The following SVOP variants were observed in gnomAD, a reference collection of about 807,000 sequenced individuals.
SVOP encodes the protein synaptic vesicle 2-related protein.
A neutral mutation model predicts 69.1 loss-of-function variants in SVOP; 17 were observed. The ratio of observed to expected loss-of-function variants is 0.25; its 90% CI spans 0.17 to 0.37. SVOP has a LOEUF of 0.37. Among genes scored for constraint, SVOP ranks in the 10% least tolerant of loss-of-function variants. The pLI, the probability that SVOP is intolerant of heterozygous loss-of-function variation, is 1.00. For synonymous variants in SVOP, 238 were observed against 238.6 expected (o/e 1.00, Z 0.02); for missense variants, 435 against 597.5 (o/e 0.73, Z 2.84).
At chr12:108,952,298 G>A (rs1446898831) in intron 6 of SVOP, among the ~76,000 whole-genome samples, 5 of 132,958 alleles carry the variant, frequency 3.8e-5, no homozygotes, top group Middle Eastern at 4.9e-3. Flanking sequence ...GTAGTGGTAC[G>A]ATCTTGGCTC....
chr12:108,975,928 T>A, intron 4 of SVOP, among the ~76,000 whole-genome samples: 1 of 152,090 alleles, frequency 6.6e-6, no homozygotes, highest in Non-Finnish European at 1.5e-5. Flanking sequence ...CTTGAACTCC[T>A]GGCCTCAAGT....
chr12:108,945,388 AT>A (rs1345102603), intron 6 of SVOP, among the ~76,000 whole-genome samples: 1 of 151,948 alleles, frequency 6.6e-6, no homozygotes, highest in African/African-American at 2.4e-5. Flanking sequence ...TGGCATCTGC[AT>A]TTTTATTTTA....
chr12:108,970,952 A>G (rs1376575712), intron 5 of SVOP, among the ~76,000 whole-genome samples: 2 of 152,144 alleles, frequency 1.3e-5, no homozygotes, highest in African/African-American at 4.8e-5. Context: ...CAGAAGGTCA[A>G]GGCTGCAGTT....
intron 3 of SVOP, 116 bp from the exon 4 acceptor site, chr12:108,977,612 C>T (rs2040113833): frequency 7.9e-6 from 5 of 632,060 alleles, no homozygotes; most frequent in Non-Finnish European, 1.4e-5. Context: ...TACCCATTGC[C>T]AAGTGCCCTG....
intron 6 of SVOP, among the ~76,000 whole-genome samples, chr12:108,952,663 C>T (rs569799358): frequency 9.2e-5 from 14 of 152,132 alleles, no homozygotes; most frequent in South Asian, 2.1e-4. Flanking sequence ...ACAGTGAGAC[C>T]GCCCACCCTG....
intron 2 of SVOP, among the ~76,000 whole-genome samples, chr12:108,983,295 T>TCAA (rs1347318896): frequency 4.0e-5 from 6 of 150,240 alleles, no homozygotes; most frequent in African/African-American, 1.5e-4. Flanking sequence ...ACCATCATCA[T>TCAA]TGCCACCATC....
intron 1 of SVOP, among the ~76,000 whole-genome samples, chr12:108,992,831 G>A (rs1458420905): frequency 6.6e-6 from 1 of 152,044 alleles, no homozygotes; most frequent in Non-Finnish European, 1.5e-5. Flanking sequence ...TGAGGGTTGT[G>A]CAACCTTGTA....
At chr12:108,988,770 C>CTTTTTTTTTTTTTTTTTT (rs758822738) in intron 1 of SVOP, among the ~76,000 whole-genome samples, 1 of 92,182 alleles carries the variant, frequency 1.1e-5, no homozygotes, top group Non-Finnish European at 2.0e-5. Flanking sequence ...TCTTTTCTCT[C>CTTTTTTTTTTTTTTTTTT]TTTTTTTTTT....
At chr12:108,912,909 G>A (rs559298561) in intron 15 of SVOP, among the ~76,000 whole-genome samples, 168 bp from the exon 16 acceptor site, 2 of 151,806 alleles carry the variant, frequency 1.3e-5, no homozygotes, top group South Asian at 2.1e-4. Context: ...CTTGTGACAC[G>A]CCTGCCCCTC....
chr12:108,988,773 T>C (rs1246771399), intron 1 of SVOP, among the ~76,000 whole-genome samples: 12 of 118,770 alleles, frequency 1.0e-4, no homozygotes, highest in South Asian at 4.9e-4. Context: ...TTTCTCTCTT[T>C]TTTTTTTTTT....
At chr12:108,940,981 T>A (rs1189845575) in intron 7 of SVOP, 72 bp from the exon 8 acceptor site, 4 of 1,496,186 alleles carry the variant, frequency 2.7e-6, no homozygotes, top group Non-Finnish European at 3.6e-6. Context: ...GGGGGCATTG[T>A]GGACAAGGGT....
chr12:108,951,795 G>T (rs977716048), intron 6 of SVOP, among the ~76,000 whole-genome samples: 4 of 152,220 alleles, frequency 2.6e-5, no homozygotes, highest in African/African-American at 9.6e-5. Context: ...GAACCCAGTT[G>T]CAACTGGTTT....
rs970243341 is a variant in SVOP at position 108,911,336 on chromosome 12, G to C, written c.*1199C>G. 1 of 152,112 alleles carries C rather than the reference G, an allele frequency of 6.6e-6. No individual in the cohort carries two copies. Among genetic ancestry groups the C allele is most frequent in the African/African-American group, 2.4e-5 (1 of 41,392 alleles). 9.4% of individuals were successfully genotyped at this position (152,112 alleles called of 1,614,324 possible). A position where few individuals can be genotyped will look rare whatever the true frequency, so the allele number is the denominator to read the frequency against. On this transcript the variant is annotated 3_prime_UTR_variant, in exon 16 of 16. Transcript: ENST00000610966. ...TTCTGGTTTCTCTGCCCATTCAGCT[G>C]TCTACCCATGCACAAAACCCAAAGC... is the stretch of plus-strand genomic sequence containing the variant.
intron 12 of SVOP, among the ~76,000 whole-genome samples, chr12:108,921,328 C>T (rs986936366): frequency 6.6e-6 from 1 of 152,190 alleles, no homozygotes; most frequent in Non-Finnish European, 1.5e-5. Flanking sequence ...GGTCTTAGCG[C>T]TGCCTGCTGT....
intron 6 of SVOP, among the ~76,000 whole-genome samples, chr12:108,947,988 C>T (rs1045343359): frequency 4.6e-5 from 7 of 152,240 alleles, no homozygotes; most frequent in Non-Finnish European, 1.0e-4. Flanking sequence ...TACCTGCAAC[C>T]TTCTCTTAGG....
At chr12:108,915,976 G>A in intron 14 of SVOP, 104 bp from the exon 15 acceptor site, 1 of 1,101,756 alleles carries the variant, frequency 9.1e-7, no homozygotes, top group Non-Finnish European at 1.3e-6. Context: ...CGGAAGTCAG[G>A]GCAAATCCCT....
Position 108,940,666 on chromosome 12 carries a change from T to A in SVOP, c.768+118A>T, listed in dbSNP as rs955194721. On this transcript the variant is annotated intron_variant, in intron 8 of 15. Transcript: ENST00000610966. ...AGCTCCCTTGTCTCATTTCCTGATT[T>A]AAAAAAAATAATCTTGAAAGGTGGC... The A allele has an allele frequency of 1.3e-4, 186 of 1,411,614 alleles. No individual in the cohort carries two copies. The East Asian group carries it at 3.2e-3, about 24-fold the overall frequency. 87.4% of individuals were successfully genotyped at this position (1,411,614 alleles called of 1,614,324 possible).
chr12:108,986,379 T>G (rs952985630), intron 1 of SVOP, among the ~76,000 whole-genome samples: 1 of 152,194 alleles, frequency 6.6e-6, no homozygotes, highest in African/African-American at 2.4e-5. Flanking sequence ...CTCTTCAGAC[T>G]CTTCCATTGC....
intron 11 of SVOP, among the ~76,000 whole-genome samples, chr12:108,928,260 T>C (rs2039794216): frequency 1.3e-5 from 2 of 151,936 alleles, no homozygotes; most frequent in Middle Eastern, 6.8e-3. Flanking sequence ...CAGGCTCCTC[T>C]GAGTCTTTTT....
Sources: gnomAD v4.1 joint callset for allele counts (sites outside exome capture counted in the v4.1 genomes callset) on GRCh38, gnomAD v4.1.1 for gene constraint, MANE v1.5 for transcripts, NCBI Gene and HGNC (gene_info 2026-07-23, HGNC 2026-07-21) for gene names.